EHD4: variants seen among roughly 807,000 people sequenced by gnomAD.
The protein encoded by EHD4 is EH domain containing 4, also known as EH domain-containing protein 4.
EHD4 carries 37 observed loss-of-function variants against 51.0 expected under a neutral mutation model. The observed-to-expected ratio is 0.73, with a 90% CI of 0.56 to 0.95. EHD4 has a LOEUF of 0.95. EHD4 is among the 40% of genes least tolerant of loss of function. EHD4 has a pLI of 0.00. For synonymous variants in EHD4, 297 were observed against 317.3 expected (o/e 0.94, Z 0.68); for missense variants, 632 against 733.1 (o/e 0.86, Z 1.59).
Position 41,900,963 on chromosome 15 carries a change from G to A in EHD4, c.1308C>T (p.Gly436=), listed in dbSNP as rs899178272. Residue 436 remains glycine, a synonymous_variant, in exon 6 of 6, where the codon GGC becomes GGT. Coordinates refer to ENST00000220325, the MANE Select transcript of EHD4 (RefSeq NM_139265.4). The surrounding 1 kb of genome is among the most constrained non-coding windows in gnomAD (Gnocchi z 4.8). ...CCACGACCCACTCCTCCTCGTCGGC[G>A]CCCTCCTTGGCACCCTCCCCGTAGC... The part of the protein sequence containing the change: ...NQGYGEGAKE[G]ADEEEWVVAK... 1.4e-5 allele frequency: 23 copies of A among 1,612,284 alleles called. No homozygotes were observed. The highest frequency in any genetic ancestry group is 3.3e-4 in the Middle Eastern group (2 of 6,052).
At chr15:41,905,021 C>T (rs1725951429) in intron 5 of EHD4, among the ~76,000 whole-genome samples, 1 of 152,250 alleles carries the variant, frequency 6.6e-6, no homozygotes, top group African/African-American at 2.4e-5. Flanking sequence ...AAGCTGGCAT[C>T]AGCGAGCTCT....
chr15:41,907,377 G>A (rs550409762), intron 5 of EHD4, among the ~76,000 whole-genome samples: 63 of 152,218 alleles, frequency 4.1e-4, no homozygotes, highest in Non-Finnish European at 7.6e-4. Flanking sequence ...GTGTGAATGG[G>A]GAAGTTGCCC....
rs747053552 is a variant in EHD4 at position 41,972,241 on chromosome 15, G to C, written c.236+18C>G. 4 of 1,528,806 alleles carry C rather than the reference G, an allele frequency of 2.6e-6. No individual in the cohort carries two copies. In the African/African-American group the frequency reaches 5.7e-5, roughly 22 times the overall value. 94.7% of individuals were successfully genotyped at this position (1,528,806 alleles called of 1,614,324 possible). On this transcript the variant is annotated intron_variant, in intron 1 of 5. Transcript: ENST00000220325. Reference sequence around the variant, plus strand: ...GGGCGGAGCGGGGCGGGAGCCGGGCGAGGGGCGGTGACGGTACCTGATGAA... The same window carrying C: ...GGGCGGAGCGGGGCGGGAGCCGGGCCAGGGGCGGTGACGGTACCTGATGAA...
At chr15:41,909,617 C>G (rs1595530737) in intron 5 of EHD4, 82 bp downstream of exon 5, 2 of 1,519,822 alleles carry the variant, frequency 1.3e-6, no homozygotes, top group East Asian at 4.5e-5. Flanking sequence ...ATGGGACTCT[C>G]ATTTGTCTCC....
intron 3 of EHD4, among the ~76,000 whole-genome samples, chr15:41,924,548 A>T (rs957378483): frequency 5.9e-5 from 9 of 152,190 alleles, no homozygotes; most frequent in Non-Finnish European, 1.2e-4. Flanking sequence ...CTGGTTATTT[A>T]AAAAATCTTT....
chr15:41,900,972 G>A lies in EHD4; in HGVS notation c.1299C>T (p.Ala433=), dbSNP rs1489978857. 2 of 1,611,586 alleles carry A rather than the reference G, an allele frequency of 1.2e-6. No homozygotes were observed. The highest frequency in any genetic ancestry group is 3.3e-5 in the Admixed American group (2 of 59,946). Residue 433 remains alanine, a synonymous_variant, in exon 6 of 6, where the codon GCC becomes GCT. Coordinates refer to ENST00000220325, the MANE Select transcript of EHD4 (RefSeq NM_139265.4). The surrounding 1 kb of genome is among the most constrained non-coding windows in gnomAD (Gnocchi z 4.8). ...GPFNQGYGEG[A]KEGADEEEWV... ...ACTCCTCCTCGTCGGCGCCCTCCTTGGCACCCTCCCCGTAGCCCTGGTTGA... is the reference window on the plus strand; with the variant it reads ...ACTCCTCCTCGTCGGCGCCCTCCTTAGCACCCTCCCCGTAGCCCTGGTTGA...
At chr15:41,937,641 AG>A (rs1401902402) in intron 3 of EHD4, among the ~76,000 whole-genome samples, 7 of 152,220 alleles carry the variant, frequency 4.6e-5, no homozygotes, top group African/African-American at 1.4e-4. Context: ...AAAGCCTGAG[AG>A]GGGAAGTCAT....
At chr15:41,926,492 T>C (rs1017686390) in intron 3 of EHD4, among the ~76,000 whole-genome samples, 1 of 152,182 alleles carries the variant, frequency 6.6e-6, no homozygotes, top group Admixed American at 6.5e-5. Flanking sequence ...CCTGGCTGCA[T>C]GTTCACCTTT....
Position 41,919,306 on chromosome 15 carries a change from A to G in EHD4, c.828T>C (p.Ala276=). The change falls in exon 4 of 6, where the codon GCT becomes GCC. Residue 276 remains alanine, a synonymous_variant. Transcript: ENST00000220325. ...QNTDNRRLFE[A]EAQDLFRDIQ... is the part of the protein sequence containing the mutation. ...TGTCTCTAAAGAGGTCCTGGGCCTC[A>G]GCCTCGAAGAGCCGGCGGTTGTCCG... 1.2e-6 allele frequency: 2 copies of G among 1,614,218 alleles called. No homozygotes were observed. Among genetic ancestry groups the G allele is most frequent in the Non-Finnish European group, 1.7e-6 (2 of 1,180,038 alleles).
Position 41,945,513 on chromosome 15 carries a change from G to A in EHD4, c.414-2349C>T, listed in dbSNP as rs529330963. Among the ~76,000 whole-genome samples, 10 of 152,302 alleles carry A rather than the reference G, an allele frequency of 6.6e-5. No individual in the cohort carries two copies. In the South Asian group the frequency reaches 1.2e-3, roughly 19 times the overall value. On this transcript the variant is annotated intron_variant, in intron 2 of 5. Coordinates refer to ENST00000220325, the MANE Select transcript of EHD4 (RefSeq NM_139265.4). Reference sequence around the variant, plus strand: ...AGGATGAGGAGCAGCAGGTGGAGGCGGAGGGAGAGCTTTGGCTGGGGCACC... The same window carrying A: ...AGGATGAGGAGCAGCAGGTGGAGGCAGAGGGAGAGCTTTGGCTGGGGCACC...
Position 41,919,174 on chromosome 15 carries a change from G to A in EHD4, c.924+36C>T, listed in dbSNP as rs779307032. 4.3e-6 allele frequency: 7 copies of A among 1,611,336 alleles called. No individual in the cohort carries two copies. The African/African-American group carries it at 5.3e-5, about 12-fold the overall frequency. On this transcript the variant is annotated intron_variant, in intron 4 of 5. Transcript: ENST00000220325. Reference sequence around the variant, plus strand: ...CTGGAGAGGAGACAGCAGAGTCCCAGCCCCTGGCCTCTGTGCAAGGCATCT... The same window carrying A: ...CTGGAGAGGAGACAGCAGAGTCCCAACCCCTGGCCTCTGTGCAAGGCATCT...
At chr15:41,967,997 C>T (rs951073295) in intron 1 of EHD4, among the ~76,000 whole-genome samples, 6 of 152,172 alleles carry the variant, frequency 3.9e-5, no homozygotes, top group Non-Finnish European at 8.8e-5. Context: ...TCCCTTCTGC[C>T]ATCTCTGGGG....
At chr15:41,920,096 G>A (rs2067614895) in intron 3 of EHD4, among the ~76,000 whole-genome samples, 1 of 152,244 alleles carries the variant, frequency 6.6e-6, no homozygotes, top group Non-Finnish European at 1.5e-5. Context: ...AAGCATAACA[G>A]AAGAGGCATC....
At chr15:41,934,139 G>A (rs2067716959) in intron 3 of EHD4, among the ~76,000 whole-genome samples, 1 of 152,028 alleles carries the variant, frequency 6.6e-6, no homozygotes, top group African/African-American at 2.4e-5. Flanking sequence ...GGTTCTCCAA[G>A]TTTGCCAGCC....
At chr15:41,951,814 C>A (rs1189674231) in intron 2 of EHD4, among the ~76,000 whole-genome samples, 4 of 152,220 alleles carry the variant, frequency 2.6e-5, no homozygotes, top group African/African-American at 9.7e-5. Flanking sequence ...AGGGCTTAAC[C>A]CCCTCTCCCA....
At chr15:41,901,730 C>T (rs904959998) in intron 5 of EHD4, among the ~76,000 whole-genome samples, 1 of 152,062 alleles carries the variant, frequency 6.6e-6, no homozygotes, top group African/African-American at 2.4e-5. Flanking sequence ...TTTCGGAACA[C>T]GTAAAAAAAT....
chr15:41,915,744 C>A (rs1395142075), intron 4 of EHD4, among the ~76,000 whole-genome samples: 1 of 152,172 alleles, frequency 6.6e-6, no homozygotes, highest in Admixed American at 6.5e-5. Flanking sequence ...AAAACAGCTT[C>A]CTTTAAAGAA....
intron 3 of EHD4, among the ~76,000 whole-genome samples, chr15:41,920,260 T>C (rs531545357): frequency 6.6e-6 from 1 of 152,322 alleles, no homozygotes; most frequent in South Asian, 2.1e-4. Flanking sequence ...TGTAAAATGG[T>C]CTCTTGCCAA....
At chr15:41,949,846 T>G (rs1304638208) in intron 2 of EHD4, among the ~76,000 whole-genome samples, 1 of 152,182 alleles carries the variant, frequency 6.6e-6, no homozygotes, top group African/African-American at 2.4e-5. Flanking sequence ...AAAAGCAGAC[T>G]GCAAGGGGAA....
Sources: gnomAD v4.1 joint callset for allele counts (sites outside exome capture counted in the v4.1 genomes callset) on GRCh38, gnomAD v4.1.1 for gene constraint, Gnocchi (gnomAD v3.1) non-coding constraint, MANE v1.5 for transcripts, NCBI Gene and HGNC (gene_info 2026-07-23, HGNC 2026-07-21) for gene names.